The following PPP2R5E variants were observed in gnomAD, a reference collection of about 807,000 sequenced individuals.
PPP2R5E encodes protein phosphatase 2 regulatory subunit B'epsilon.
In PPP2R5E, 4 loss-of-function variants were observed where a neutral mutation model predicts 65.3. That is an observed-to-expected ratio of 0.06 (90% confidence interval 0.03 to 0.14). The LOEUF is 0.14. Among genes scored for constraint, PPP2R5E ranks in the 10% least tolerant of loss-of-function variants. The pLI is 1.00. For missense variants in PPP2R5E, 274 were observed against 556.1 expected, an observed-to-expected ratio of 0.49 and a Z score of 5.10; for synonymous variants, 183 against 187.4, an observed-to-expected ratio of 0.98 and a Z score of 0.19.
chr14:63,402,534 T>C (rs1253573918), intron 5 of PPP2R5E, among the ~76,000 whole-genome samples: 1 of 152,180 alleles, frequency 6.6e-6, no homozygotes, highest in Non-Finnish European at 1.5e-5. Context: ...AAGGAAACTA[T>C]TAACATCTTC....
intron 3 of PPP2R5E, among the ~76,000 whole-genome samples, chr14:63,433,629 C>T (rs961745228): frequency 3.3e-5 from 5 of 151,928 alleles, no homozygotes; most frequent in Admixed American, 6.6e-5. Flanking sequence ...CTCAGCTGTG[C>T]GTAATGTCCC....
intron 13 of PPP2R5E, among the ~76,000 whole-genome samples, 161 bp from the exon 14 acceptor site, chr14:63,376,269 C>T (rs1479384362): frequency 6.6e-6 from 1 of 152,148 alleles, no homozygotes; most frequent in Non-Finnish European, 1.5e-5. Context: ...GACTTATATG[C>T]ATCAGTTATT....
Position 63,520,859 on chromosome 14 carries a change from C to CAAAAAAA in PPP2R5E, c.157+18663_157+18669dup, listed in dbSNP as rs748146106. On this transcript the variant is annotated intron_variant, in intron 2 of 13. Transcript: ENST00000337537. Reference sequence around the variant, plus strand: ...TGAAACCTCATCTCTACTAAAAATACAAAAAAAAAAAAAAAAAAAAAAAAA... The same window carrying CAAAAAAA: ...TGAAACCTCATCTCTACTAAAAATACAAAAAAAAAAAAAAAAAAAAAAAAAAAAAAAA... Among the ~76,000 whole-genome samples the CAAAAAAA allele has an allele frequency of 1.4e-3, 80 of 58,524 alleles. 5 individuals are homozygous for CAAAAAAA. The highest frequency in any genetic ancestry group is 4.5e-3 in the East Asian group (3 of 668). 38.4% of individuals were successfully genotyped at this position (58,524 alleles called of 152,430 possible). A position where few individuals can be genotyped will look rare whatever the true frequency, so the allele number is the denominator to read the frequency against.
chr14:63,421,258 T>C (rs1887007499), intron 4 of PPP2R5E, among the ~76,000 whole-genome samples: 1 of 152,072 alleles, frequency 6.6e-6, no homozygotes, highest in African/African-American at 2.4e-5. Flanking sequence ...GTTCAACATG[T>C]ACAAATTTCC....
chr14:63,523,863 A>C (rs1251238180), intron 2 of PPP2R5E, among the ~76,000 whole-genome samples: 1 of 152,224 alleles, frequency 6.6e-6, no homozygotes, highest in East Asian at 1.9e-4. Flanking sequence ...TTCAATCAAA[A>C]ACAGTGTTGT....
intron 3 of PPP2R5E, among the ~76,000 whole-genome samples, chr14:63,432,136 C>A (rs1887709017): frequency 1.3e-5 from 2 of 151,748 alleles, no homozygotes; most frequent in African/African-American, 4.8e-5. Context: ...GAAGTCTTGG[C>A]CATGTACTAT....
chr14:63,373,200 T>C lies in PPP2R5E; in HGVS notation c.*2809A>G, dbSNP rs1410164955. 2.0e-5 allele frequency: 3 copies of C among 152,196 alleles called. No homozygotes were observed. The highest frequency in any genetic ancestry group is 1.3e-4 in the Admixed American group (2 of 15,274). The allele number at this position is 152,196 out of a possible 1,614,324, so 9.4% of individuals were successfully genotyped here. A position where few individuals can be genotyped will look rare whatever the true frequency, so the allele number is the denominator to read the frequency against. On this transcript the variant is annotated 3_prime_UTR_variant, in exon 14 of 14. Coordinates refer to ENST00000337537, the MANE Select transcript of PPP2R5E (RefSeq NM_006246.5). Reference sequence around the variant, plus strand: ...CTCTTAATCCTATCCCTGAAACCAATATGGTAAGGATAAGGTTGGAGTGAT... The same window carrying C: ...CTCTTAATCCTATCCCTGAAACCAACATGGTAAGGATAAGGTTGGAGTGAT...
At chr14:63,437,109 C>CA (rs1267253153) in intron 3 of PPP2R5E, among the ~76,000 whole-genome samples, 1 of 152,188 alleles carries the variant, frequency 6.6e-6, no homozygotes, top group Non-Finnish European at 1.5e-5. Flanking sequence ...CATGGTACTA[C>CA]ATGGTACCAC....
chr14:63,464,955 A>G (rs1251054581), intron 2 of PPP2R5E, among the ~76,000 whole-genome samples: 6 of 151,676 alleles, frequency 4.0e-5, no homozygotes, highest in Non-Finnish European at 7.4e-5. Flanking sequence ...CCCAGGAGGC[A>G]GAGGTTGCAA....
chr14:63,474,442 A>G (rs909228931), intron 2 of PPP2R5E, among the ~76,000 whole-genome samples: 4 of 152,158 alleles, frequency 2.6e-5, no homozygotes, highest in African/African-American at 9.7e-5. Context: ...AGAGATGTTT[A>G]TAAGACATAT....
At chr14:63,440,044 T>C (rs569780943) in intron 3 of PPP2R5E, among the ~76,000 whole-genome samples, 6 of 152,148 alleles carry the variant, frequency 3.9e-5, no homozygotes, top group African/African-American at 7.2e-5. Flanking sequence ...CCCTCTATGA[T>C]GCACAGGTAA....
intron 12 of PPP2R5E, among the ~76,000 whole-genome samples, chr14:63,382,391 C>T (rs1451973080): frequency 6.6e-6 from 1 of 151,048 alleles, no homozygotes; most frequent in Non-Finnish European, 1.5e-5. Flanking sequence ...TCTAACTTTG[C>T]CCTTCTAATT....
In PPP2R5E at chr14:63,372,919, TTC is replaced by T. The variant is rs1883767711; in HGVS notation, c.*3088_*3089del. 6.6e-6 allele frequency: 1 copy of T among 152,158 alleles called. No homozygotes were observed. The highest frequency in any genetic ancestry group is 2.4e-5 in the African/African-American group (1 of 41,404). 9.4% of individuals were successfully genotyped at this position (152,158 alleles called of 1,614,324 possible). On this transcript the variant is annotated 3_prime_UTR_variant, in exon 14 of 14. Coordinates refer to ENST00000337537, the MANE Select transcript of PPP2R5E (RefSeq NM_006246.5). ...CAGTGGCATCGAGGGTATTATTTATTTCTTTTTTTTTCTTTTCTTTTATAAAA... is the reference window on the plus strand; with the variant it reads ...CAGTGGCATCGAGGGTATTATTTATTTTTTTTTTTCTTTTCTTTTATAAAA...
intron 5 of PPP2R5E, among the ~76,000 whole-genome samples, chr14:63,402,614 T>A (rs891701929): frequency 1.6e-4 from 24 of 152,158 alleles, no homozygotes; most frequent in Admixed American, 1.6e-3. Flanking sequence ...TTCAGGAAAT[T>A]TTTTAAAAGC....
intron 2 of PPP2R5E, among the ~76,000 whole-genome samples, chr14:63,523,651 T>A (rs1176379594): frequency 6.6e-6 from 1 of 151,250 alleles, no homozygotes; most frequent in Non-Finnish European, 1.5e-5. Flanking sequence ...CCTCCACTAT[T>A]GTCCCGTGAC....
intron 3 of PPP2R5E, among the ~76,000 whole-genome samples, chr14:63,450,078 G>C (rs1420082323): frequency 6.6e-6 from 1 of 151,974 alleles, no homozygotes; most frequent in Non-Finnish European, 1.5e-5. Flanking sequence ...CTTTCACCAT[G>C]TTGGACAGGC....
intron 3 of PPP2R5E, among the ~76,000 whole-genome samples, chr14:63,429,931 G>A (rs1332746636): frequency 2.0e-5 from 3 of 151,960 alleles, no homozygotes; most frequent in Admixed American, 6.5e-5. Flanking sequence ...CGATCCACCC[G>A]CCTTGGCCTC....
chr14:63,395,408 C>T (rs1370741216), intron 6 of PPP2R5E, 123 bp from the exon 7 acceptor site: 15 of 221,632 alleles, frequency 6.8e-5, no homozygotes, highest in African/African-American at 1.6e-4. Flanking sequence ...AGGAGGAGAG[C>T]GGGGAAGAGA....
At chr14:63,461,450 AC>A (rs2139510564) in intron 2 of PPP2R5E, among the ~76,000 whole-genome samples, 1 of 152,266 alleles carries the variant, frequency 6.6e-6, no homozygotes, top group African/African-American at 2.4e-5. Context: ...CTTTATAATA[AC>A]AAAAGAAGAT....
Sources: gnomAD v4.1 joint callset for allele counts (sites outside exome capture counted in the v4.1 genomes callset) on GRCh38, gnomAD v4.1.1 for gene constraint, MANE v1.5 for transcripts, NCBI Gene and HGNC (gene_info 2026-07-23, HGNC 2026-07-21) for gene names.